Variants in RABGAP1L observed in about 807,000 individuals in gnomAD.
RABGAP1L encodes the protein RAB GTPase activating protein 1 like, also known as rab GTPase-activating protein 1-like.
A neutral mutation model predicts 137.7 loss-of-function variants in RABGAP1L; 63 were observed. The observed-to-expected ratio is 0.46, with a 90% CI of 0.37 to 0.56. The LOEUF is 0.56. Ranked by LOEUF, RABGAP1L falls within the 20% of genes least tolerant of loss-of-function variation. RABGAP1L has a pLI of 0.00. For synonymous variants in RABGAP1L, 431 were observed against 433.7 expected (o/e 0.99, Z 0.08); for missense variants, 1,095 against 1,244.0 (o/e 0.88, Z 1.80).
rs371429622 is a variant in RABGAP1L, at chr1:174,221,188, C to G, written c.331+24C>G. On this transcript the variant is annotated intron_variant, in intron 3 of 25. Transcript: ENST00000681986. Reference sequence around the variant, plus strand: ...AGGTACTGTATTGAATTCTTAGAAACTATTAAAGAAATGGGATAAAGTAAT... The same window carrying G: ...AGGTACTGTATTGAATTCTTAGAAAGTATTAAAGAAATGGGATAAAGTAAT... The G allele has an allele frequency of 2.5e-5, 37 of 1,452,314 alleles. No homozygotes were observed. In the South Asian group the frequency reaches 4.0e-4, roughly 16 times the overall value. 90.0% of individuals were successfully genotyped at this position (1,452,314 alleles called of 1,614,324 possible).
Position 174,993,748 on chromosome 1 carries a change from G to A in RABGAP1L, c.*3747G>A, listed in dbSNP as rs1672206474. On this transcript the variant is annotated 3_prime_UTR_variant, in exon 26 of 26. Coordinates refer to ENST00000681986, the MANE Select transcript of RABGAP1L (RefSeq NM_001366446.1). ...AACTTTTAAAAAATTAAATGCCTTGGTTTTGTTTTATCTTCTGGGAAAGAA... is the reference window on the plus strand; with the variant it reads ...AACTTTTAAAAAATTAAATGCCTTGATTTTGTTTTATCTTCTGGGAAAGAA... The A allele has an allele frequency of 6.6e-6, 1 of 152,130 alleles. No individual in the cohort carries two copies. The highest frequency in any genetic ancestry group is 6.5e-5 in the Admixed American group (1 of 15,272). The allele number at this position is 152,130 out of a possible 1,614,324, so 9.4% of individuals were successfully genotyped here. A position where few individuals can be genotyped will look rare whatever the true frequency, so the allele number is the denominator to read the frequency against.
At position 174,368,880 on chromosome 1, in the gene RABGAP1L, A is replaced by G. The variant is rs1684865215; in HGVS notation, c.1466-2099A>G. On this transcript the variant is annotated intron_variant, in intron 11 of 25. Coordinates refer to ENST00000681986, the MANE Select transcript of RABGAP1L (RefSeq NM_001366446.1). Reference sequence around the variant, plus strand: ...ATTTGAAAGATTTTCTGTCATCAGTATTATTGTCTAATTTTTATTATAATC... The same window carrying G: ...ATTTGAAAGATTTTCTGTCATCAGTGTTATTGTCTAATTTTTATTATAATC... 3.9e-5 allele frequency among the ~76,000 whole-genome samples: 6 copies of G among 152,144 alleles called. No individual in the cohort carries two copies. In the South Asian group the frequency reaches 1.0e-3, roughly 26 times the overall value.
intron 13 of RABGAP1L, among the ~76,000 whole-genome samples, chr1:174,431,002 G>A (rs1472222072): frequency 6.6e-6 from 1 of 151,800 alleles, no homozygotes; most frequent in Non-Finnish European, 1.5e-5. Context: ...ATTATTTTTA[G>A]CACTTCAGTT....
intron 19 of RABGAP1L, among the ~76,000 whole-genome samples, chr1:174,924,405 A>AG (rs1553282230): frequency 2.6e-5 from 4 of 151,186 alleles, no homozygotes; most frequent in African/African-American, 4.9e-5. Flanking sequence ...AAAAAAAAAA[A>AG]AGAGAGAGAT....
intron 18 of RABGAP1L, among the ~76,000 whole-genome samples, chr1:174,801,855 C>T (rs902668873): frequency 2.6e-5 from 4 of 152,102 alleles, no homozygotes; most frequent in African/African-American, 9.7e-5. Context: ...AAGTGCTAAA[C>T]TATATTTCAA....
intron 14 of RABGAP1L, among the ~76,000 whole-genome samples, chr1:174,680,525 T>C (rs944339291): frequency 4.6e-5 from 7 of 152,344 alleles, no homozygotes; most frequent in Non-Finnish European, 1.0e-4. Flanking sequence ...ATTCTGGTTA[T>C]AGCATCCAGA....
At chr1:174,814,854 A>G (rs1337569751) in intron 19 of RABGAP1L, among the ~76,000 whole-genome samples, 1 of 151,816 alleles carries the variant, frequency 6.6e-6, no homozygotes, top group Admixed American at 6.6e-5. Context: ...ACGCCTGGCT[A>G]TTTTTGTATT....
intron 13 of RABGAP1L, among the ~76,000 whole-genome samples, chr1:174,512,246 C>T (rs960341966): frequency 6.6e-6 from 1 of 152,186 alleles, no homozygotes; most frequent in African/African-American, 2.4e-5. Flanking sequence ...CACAACATTT[C>T]TACCCTAGTA....
chr1:174,728,578 A>G (rs1292543600), intron 17 of RABGAP1L, among the ~76,000 whole-genome samples: 2 of 150,618 alleles, frequency 1.3e-5, no homozygotes, highest in Non-Finnish European at 3.0e-5. Context: ...TGCTATTCCT[A>G]TCAAACTACC....
chr1:174,800,551 G>T, intron 18 of RABGAP1L: 1 of 1,525,284 alleles, frequency 6.6e-7, no homozygotes, highest in Non-Finnish European at 8.8e-7. Flanking sequence ...GCTATCCTCT[G>T]TGAAAATTCC....
chr1:174,823,694 A>G, intron 19 of RABGAP1L, among the ~76,000 whole-genome samples: 1 of 152,212 alleles, frequency 6.6e-6, no homozygotes. Flanking sequence ...TGTACTTCAA[A>G]ATAGAAGATT....
chr1:174,799,863 G>T (rs549834403), intron 18 of RABGAP1L: 2 of 988,012 alleles, frequency 2.0e-6, no homozygotes. Context: ...CTTCACAACT[G>T]CCCTGGCTTC....
At position 174,463,050 on chromosome 1, in the gene RABGAP1L, T is replaced by C. The variant is rs868221388; in HGVS notation, c.1710+68905T>C. ...AGGATATGGAGAAACAGGAACACTTTTACACTGTTGGTGGGACTGTAAACT... is the reference window on the plus strand; with the variant it reads ...AGGATATGGAGAAACAGGAACACTTCTACACTGTTGGTGGGACTGTAAACT... On this transcript the variant is annotated intron_variant, in intron 13 of 25. Coordinates refer to ENST00000681986, the MANE Select transcript of RABGAP1L (RefSeq NM_001366446.1). Among the ~76,000 whole-genome samples, 5 of 152,250 alleles carry C rather than the reference T, an allele frequency of 3.3e-5. No individual in the cohort carries two copies. In the South Asian group the frequency reaches 8.3e-4, roughly 25 times the overall value.
At chr1:174,309,973 T>C (rs1296954230) in intron 11 of RABGAP1L, among the ~76,000 whole-genome samples, 2 of 152,178 alleles carry the variant, frequency 1.3e-5, no homozygotes, top group Non-Finnish European at 2.9e-5. Flanking sequence ...AATTCAGCGA[T>C]GGAGCCATCA....
At chr1:174,851,595 C>T (rs1648355641) in intron 19 of RABGAP1L, among the ~76,000 whole-genome samples, 1 of 152,030 alleles carries the variant, frequency 6.6e-6, no homozygotes. Context: ...CTTACTGCAA[C>T]CTTGACCTTC....
At chr1:174,575,000 G>A (rs1361771655) in intron 13 of RABGAP1L, among the ~76,000 whole-genome samples, 2 of 152,216 alleles carry the variant, frequency 1.3e-5, no homozygotes, top group Non-Finnish European at 2.9e-5. Flanking sequence ...GCACAATCTC[G>A]GCTCACTGCA....
At chr1:174,795,279 C>T (rs992607242) in intron 18 of RABGAP1L, among the ~76,000 whole-genome samples, 1 of 152,154 alleles carries the variant, frequency 6.6e-6, no homozygotes, top group African/African-American at 2.4e-5. Context: ...TCTCTGCCAT[C>T]CCCCGTATGC....
At chr1:174,690,590 T>G (rs986895435) in intron 15 of RABGAP1L, among the ~76,000 whole-genome samples, 19 of 152,178 alleles carry the variant, frequency 1.2e-4, no homozygotes. Flanking sequence ...CAGCCAGTTT[T>G]CTTTTGGTCC....
chr1:174,243,439 A>T (rs1176445827), intron 5 of RABGAP1L, among the ~76,000 whole-genome samples: 1 of 152,224 alleles, frequency 6.6e-6, no homozygotes, highest in Non-Finnish European at 1.5e-5. Flanking sequence ...TGGGGGCATT[A>T]GTGGTAAAAT....
Sources: gnomAD v4.1 joint callset for allele counts (sites outside exome capture counted in the v4.1 genomes callset) on GRCh38, gnomAD v4.1.1 for gene constraint, MANE v1.5 for transcripts, NCBI Gene and HGNC (gene_info 2026-07-23, HGNC 2026-07-21) for gene names.